The following ZNF534 variants were observed in gnomAD, a reference collection of about 807,000 sequenced individuals.
The protein encoded by ZNF534 is zinc finger protein 534, also known as KRAB domain only 3.
A neutral mutation model predicts 13.6 loss-of-function variants in ZNF534; 19 were observed. The ratio of observed to expected loss-of-function variants is 1.40; its 90% CI spans 0.97 to 2.05. The LOEUF (loss-of-function observed/expected upper bound fraction) is 2.05. Among genes scored for constraint, ZNF534 ranks in the 30% most tolerant of loss-of-function variants. ZNF534 has a pLI of 0.00. For synonymous variants in ZNF534, 244 were observed against 273.8 expected (o/e 0.89, Z 1.07); for missense variants, 782 against 796.3 (o/e 0.98, Z 0.22).
chr19:52,437,899 C>T lies in ZNF534; in HGVS notation c.439C>T (p.Pro147Ser), dbSNP rs770889603. ...KSISDNSSVS[P>S]VQISFFSVKT... ...TATCAGTGACAATTCTTCAGTTTCA[C>T]CAGTTCAAATAAGTTTTTTCAGTGT... The change falls in exon 5 of 5, where the codon CCA (proline) becomes TCA (serine). Residue 147 changes from proline (P) to serine (S), a missense_variant. Coordinates refer to ENST00000433050, the MANE Select transcript of ZNF534 (RefSeq NM_001143938.3). The T allele has an allele frequency of 1.2e-6, 2 of 1,613,314 alleles. No individual in the cohort carries two copies. The highest frequency in any genetic ancestry group is 2.2e-5 in the East Asian group (1 of 44,868).
rs781516386 is a variant in ZNF534, at chr19:52,439,044, C to A, written c.1584C>A (p.Gly528=). The A allele has an allele frequency of 8.8e-6, 14 of 1,597,828 alleles. No individual in the cohort carries two copies. The highest frequency in any genetic ancestry group is 1.1e-5 in the Non-Finnish European group (13 of 1,171,800). Residue 528 remains glycine (G), a synonymous_variant, in exon 5 of 5, where the codon GGC becomes GGA. Coordinates refer to ENST00000433050, the MANE Select transcript of ZNF534 (RefSeq NM_001143938.3). The part of the protein sequence containing the change: ...GEKPYSCNEC[G]KVFRRNSHLV... ...AGCCTTACAGTTGTAATGAATGTGG[C>A]AAGGTCTTCCGTCGGAATTCACACC...
At chr19:52,430,198 TACAG>T (rs1449361883) in intron 1 of ZNF534, among the ~76,000 whole-genome samples, 1 of 151,668 alleles carries the variant, frequency 6.6e-6, no homozygotes, top group African/African-American at 2.4e-5. Context: ...ATATTTTTAG[TACAG>T]ACAGGGTTTG....
At chr19:52,433,376 G>A (rs545899424) in intron 2 of ZNF534, among the ~76,000 whole-genome samples, 3 of 150,922 alleles carry the variant, frequency 2.0e-5, no homozygotes, top group Non-Finnish European at 3.0e-5. Flanking sequence ...CTCTTTTTGG[G>A]GGGGGGAGGG....
chr19:52,446,478 T>C (rs2122723549), downstream of ZNF534, among the ~76,000 whole-genome samples: 1 of 152,282 alleles, frequency 6.6e-6, no homozygotes, highest in Non-Finnish European at 1.5e-5. Context: ...TTTTTTATAC[T>C]TTTTGGGCTT....
At chr19:52,435,502 A>G (rs1183782918) in intron 4 of ZNF534, among the ~76,000 whole-genome samples, 1 of 151,538 alleles carries the variant, frequency 6.6e-6, no homozygotes, top group Non-Finnish European at 1.5e-5. Flanking sequence ...GACATTTTTC[A>G]TTTTCTTTTT....
chr19:52,431,956 T>G (rs976853547), intron 2 of ZNF534, among the ~76,000 whole-genome samples: 16 of 151,818 alleles, frequency 1.1e-4, no homozygotes, highest in African/African-American at 3.6e-4. Flanking sequence ...CTAGTGTATA[T>G]GAGTGTTAGT....
At chr19:52,451,549 C>A in exon 5 of ZNF534, 1 of 602,874 alleles carries the variant, frequency 1.7e-6, no homozygotes, top group Admixed American at 2.9e-5. Flanking sequence ...AGGAGGGCGG[C>A]ATGCAGCTCC....
intron 2 of ZNF534, among the ~76,000 whole-genome samples, chr19:52,433,580 A>C (rs950734113): frequency 7.9e-5 from 12 of 152,076 alleles, no homozygotes; most frequent in East Asian, 1.9e-4. Context: ...GTTGGCCAAG[A>C]TGGTCTTGAT....
chr19:52,431,031 T>C (rs2059083788), intron 1 of ZNF534, among the ~76,000 whole-genome samples: 1 of 152,010 alleles, frequency 6.6e-6, no homozygotes, highest in African/African-American at 2.4e-5. Flanking sequence ...TTTGTATCCT[T>C]AGTAGAGACG....
At chr19:52,431,523 C>T (rs182463730) in intron 2 of ZNF534, 34 bp downstream of exon 2, 3 of 1,613,646 alleles carry the variant, frequency 1.9e-6, no homozygotes, top group Non-Finnish European at 2.5e-6. Flanking sequence ...TGTTCTGTCT[C>T]TGTTTCTTCC....
intron 4 of ZNF534, among the ~76,000 whole-genome samples, chr19:52,449,845 C>G (rs903461906): frequency 6.6e-6 from 1 of 151,976 alleles, no homozygotes; most frequent in South Asian, 2.1e-4. Context: ...GGTGGTGAAA[C>G]GCTGTCTCTA....
intron 4 of ZNF534, among the ~76,000 whole-genome samples, chr19:52,447,618 TA>T (rs138308531): frequency 0.027 from 4,084 of 152,314 alleles, 154 homozygotes; most frequent in African/African-American, 0.086. Flanking sequence ...TTTCTGCCTC[TA>T]TTGATAGAGT....
intron 4 of ZNF534, among the ~76,000 whole-genome samples, chr19:52,448,295 G>A (rs905592744): frequency 6.6e-6 from 1 of 152,084 alleles, no homozygotes; most frequent in African/African-American, 2.4e-5. Context: ...CTACTTGGGA[G>A]GCTGAGGCAG....
intron 4 of ZNF534, among the ~76,000 whole-genome samples, chr19:52,448,381 G>A (rs769403242): frequency 6.7e-6 from 1 of 148,596 alleles, no homozygotes; most frequent in African/African-American, 2.5e-5. Flanking sequence ...CTGGGCAATA[G>A]AGCAAGACTC....
At chr19:52,444,129 G>C (rs975827562), downstream of ZNF534, among the ~76,000 whole-genome samples, 1 of 151,894 alleles carries the variant, frequency 6.6e-6, no homozygotes, top group African/African-American at 2.4e-5. Context: ...ATTTGGGTAG[G>C]CTGTCAGAGG....
At chr19:52,449,003 C>G (rs1465745657) in intron 4 of ZNF534, among the ~76,000 whole-genome samples, 1 of 152,082 alleles carries the variant, frequency 6.6e-6, no homozygotes, top group Non-Finnish European at 1.5e-5. Context: ...CTTTTCATGC[C>G]TGTGCTAACC....
chr19:52,447,756 C>G (rs1020171045), intron 4 of ZNF534, among the ~76,000 whole-genome samples: 1 of 152,094 alleles, frequency 6.6e-6, no homozygotes, highest in Non-Finnish European at 1.5e-5. Flanking sequence ...GATTAAACAG[C>G]CTTCCATCCT....
chr19:52,437,201 A>G (rs1043961702), intron 4 of ZNF534, among the ~76,000 whole-genome samples: 4 of 152,096 alleles, frequency 2.6e-5, no homozygotes, highest in Non-Finnish European at 1.5e-5. Context: ...TTACTCTTGT[A>G]TTTGTCAGCT....
rs200172962 is a variant in ZNF534, at chr19:52,439,157, C to T, written c.1697C>T (p.Ala566Val). 243 of 1,587,028 alleles carry T rather than the reference C, an allele frequency of 1.5e-4. No homozygotes were observed. Among genetic ancestry groups the T allele is most frequent in the Non-Finnish European group, 1.9e-4 (224 of 1,167,728 alleles). The stretch of plus-strand genomic sequence containing the variant: ...GTCTTCAGTCGGAATTCACACCTTG[C>T]GCGACATAGGAATATTCATACTGGA... ...GKVFSRNSHL[A>V]RHRNIHTGEK... The change falls in exon 5 of 5, where the codon GCG becomes GTG. Residue 566 changes from alanine (A) to valine (V), a missense_variant. Transcript: ENST00000433050.
Sources: allele counts gnomAD v4.1 joint callset (sites outside exome capture counted in the v4.1 genomes callset), GRCh38; gene constraint gnomAD v4.1.1; transcripts MANE v1.5; gene names NCBI Gene and HGNC (gene_info 2026-07-23, HGNC 2026-07-21).